The following PARN variants were observed in gnomAD, a reference collection of about 807,000 sequenced individuals.
PARN encodes poly(A)-specific ribonuclease, also known as poly(A)-specific ribonuclease PARN.
PARN carries 71 observed loss-of-function variants against 102.8 expected under a neutral mutation model. The observed-to-expected ratio is 0.69, with a 90% CI of 0.57 to 0.84. The LOEUF (loss-of-function observed/expected upper bound fraction) is 0.84. Among genes scored for constraint, PARN ranks in the 40% least tolerant of loss-of-function variants. The pLI is 0.00. For missense variants in PARN, 782 were observed against 760.9 expected (o/e 1.03, Z -0.33); for synonymous variants, 261 against 252.9 (o/e 1.03, Z -0.30).
intron 23 of PARN, among the ~76,000 whole-genome samples, chr16:14,440,370 G>A (rs1960891788): frequency 6.6e-6 from 1 of 152,190 alleles, no homozygotes; most frequent in African/African-American, 2.4e-5. Flanking sequence ...TGGTGAGGGC[G>A]CAGAGTGAGC....
At chr16:14,570,513 G>A (rs116829403) in intron 18 of PARN, among the ~76,000 whole-genome samples, 1,572 of 151,306 alleles carry the variant, frequency 0.01, 29 homozygotes, top group African/African-American at 0.036. Context: ...AGCCAGACAC[G>A]GTGGCGCATG....
chr16:14,487,673 T>G (rs985328718), intron 21 of PARN, among the ~76,000 whole-genome samples: 4 of 151,850 alleles, frequency 2.6e-5, no homozygotes, highest in Non-Finnish European at 5.9e-5. Flanking sequence ...AAATTAAAAG[T>G]AAGAAAAAAA....
intron 21 of PARN, among the ~76,000 whole-genome samples, chr16:14,537,427 T>C (rs757994484): frequency 3.9e-5 from 6 of 152,050 alleles, no homozygotes; most frequent in African/African-American, 7.2e-5. Flanking sequence ...AATTCAGCAA[T>C]CCCACTAGTG....
Position 14,593,392 on chromosome 16 carries a change from A to G in PARN, c.841-14T>C. 6.8e-7 allele frequency: 1 copy of G among 1,467,570 alleles called. No individual in the cohort carries two copies. The highest frequency in any genetic ancestry group is 1.1e-5 in the South Asian group (1 of 87,778). The allele number at this position is 1,467,570 out of a possible 1,614,324, so 90.9% of individuals were successfully genotyped here. A position where few individuals can be genotyped will look rare whatever the true frequency, so the allele number is the denominator to read the frequency against. ...AACAAGTTTTCCCTAAAGAAAGTCA[A>G]GGTTAGAAAAAAGACTTCTACATTC... is the stretch of plus-strand genomic sequence containing the variant. On this transcript the variant is annotated splice_polypyrimidine_tract_variant and intron_variant, in intron 12 of 23. Transcript: ENST00000437198.
Position 14,435,759 on chromosome 16 carries a change from C to T in PARN, c.*958G>A, listed in dbSNP as rs933499457. On this transcript the variant is annotated 3_prime_UTR_variant, in exon 24 of 24. Transcript: ENST00000437198. Reference sequence around the variant, plus strand: ...GAAATACATTTTTCATTTTTATTTCCACCATACAAAAATGTGAAATATCTA... The same window carrying T: ...GAAATACATTTTTCATTTTTATTTCTACCATACAAAAATGTGAAATATCTA... 1 of 151,574 alleles carries T rather than the reference C, an allele frequency of 6.6e-6. No homozygotes were observed. The highest frequency in any genetic ancestry group is 6.6e-5 in the Admixed American group (1 of 15,206). 9.4% of individuals were successfully genotyped at this position (151,574 alleles called of 1,614,324 possible).
chr16:14,591,745 T>A (rs1970208528), intron 13 of PARN, among the ~76,000 whole-genome samples: 1 of 151,756 alleles, frequency 6.6e-6, no homozygotes, highest in Non-Finnish European at 1.5e-5. Context: ...GCAACAAAAA[T>A]AAAAACAATC....
chr16:14,625,284 G>C (rs1336515494), intron 5 of PARN, among the ~76,000 whole-genome samples: 1 of 152,074 alleles, frequency 6.6e-6, no homozygotes, highest in African/African-American at 2.4e-5. Flanking sequence ...GATCACCTGG[G>C]GTCGAGAGTT....
At chr16:14,624,299 A>G (rs1972505993) in intron 5 of PARN, among the ~76,000 whole-genome samples, 1 of 152,224 alleles carries the variant, frequency 6.6e-6, no homozygotes, top group Non-Finnish European at 1.5e-5. Context: ...AATTTTAAAT[A>G]AAACAAAAAC....
chr16:14,534,170 G>A (rs1966505167), intron 21 of PARN, among the ~76,000 whole-genome samples: 1 of 147,002 alleles, frequency 6.8e-6, no homozygotes, highest in South Asian at 2.1e-4. Context: ...TGTGAACCAA[G>A]ATCGCGCCAC....
At chr16:14,576,472 C>T (rs1256375238) in intron 18 of PARN, among the ~76,000 whole-genome samples, 3 of 152,184 alleles carry the variant, frequency 2.0e-5, no homozygotes, top group Non-Finnish European at 4.4e-5. Flanking sequence ...CTTGACAATA[C>T]CGAAGACAGT....
At chr16:14,586,196 G>C in intron 14 of PARN, 122 bp downstream of exon 14, 1 of 633,300 alleles carries the variant, frequency 1.6e-6, no homozygotes. Flanking sequence ...GGCTGGTTCT[G>C]AACTCCCTAG....
intron 13 of PARN, among the ~76,000 whole-genome samples, chr16:14,587,859 A>T (rs1383425970): frequency 6.6e-6 from 1 of 152,240 alleles, no homozygotes; most frequent in Non-Finnish European, 1.5e-5. Flanking sequence ...TTAATTCAAG[A>T]CCACTTTCAT....
intron 22 of PARN, among the ~76,000 whole-genome samples, chr16:14,468,760 G>T (rs557830979): frequency 6.2e-4 from 95 of 152,182 alleles, no homozygotes; most frequent in African/African-American, 2.2e-3. Flanking sequence ...GAACTATACA[G>T]TACAGGCACA....
chr16:14,625,226 G>A (rs1972569796), intron 5 of PARN, among the ~76,000 whole-genome samples: 1 of 151,306 alleles, frequency 6.6e-6, no homozygotes, highest in Non-Finnish European at 1.5e-5. Flanking sequence ...AAACAAAACT[G>A]TAAGGCCGGG....
intron 22 of PARN, among the ~76,000 whole-genome samples, chr16:14,471,979 C>G (rs1433189926): frequency 6.6e-6 from 1 of 152,174 alleles, no homozygotes; most frequent in Non-Finnish European, 1.5e-5. Flanking sequence ...AAATTGTCCA[C>G]ATCTCTTTAT....
chr16:14,527,689 CAT>C (rs1317735087), intron 21 of PARN, among the ~76,000 whole-genome samples: 10 of 152,294 alleles, frequency 6.6e-5, no homozygotes, highest in South Asian at 6.2e-4. Context: ...CACTTTAACT[CAT>C]GTGTGAACAA....
chr16:14,596,333 C>G (rs1336889973), intron 12 of PARN, among the ~76,000 whole-genome samples: 1 of 151,244 alleles, frequency 6.6e-6, no homozygotes, highest in Non-Finnish European at 1.5e-5. Flanking sequence ...ACAATTTAAG[C>G]AACAAAGTAA....
chr16:14,481,297 G>A (rs947366300), intron 22 of PARN, among the ~76,000 whole-genome samples: 3 of 152,192 alleles, frequency 2.0e-5, no homozygotes, highest in South Asian at 2.1e-4. Flanking sequence ...AATACTCAAC[G>A]ATTAAAAAAC....
At chr16:14,620,274 G>A (rs1442888191) in intron 5 of PARN, among the ~76,000 whole-genome samples, 1 of 152,050 alleles carries the variant, frequency 6.6e-6, no homozygotes, top group African/African-American at 2.4e-5. Flanking sequence ...CTACTCGGGA[G>A]GCTGAGGCAG....
Sources: allele counts gnomAD v4.1 joint callset (sites outside exome capture counted in the v4.1 genomes callset), GRCh38; gene constraint gnomAD v4.1.1; transcripts MANE v1.5; gene names NCBI Gene and HGNC (gene_info 2026-07-23, HGNC 2026-07-21).